ADAMTS3: variants seen among roughly 807,000 people sequenced by gnomAD.
ADAMTS3 encodes ADAM metallopeptidase with thrombospondin type 1 motif 3.
Under a neutral mutation model 129.0 loss-of-function variants are expected in ADAMTS3, and 73 were observed. The observed-to-expected ratio is 0.57, with a 90% CI of 0.47 to 0.69. The LOEUF is 0.69. Ranked by LOEUF, ADAMTS3 falls within the 30% of genes least tolerant of loss-of-function variation. ADAMTS3 has a pLI of 0.00. For missense variants in ADAMTS3, 1,457 were observed against 1,514.5 expected, an observed-to-expected ratio of 0.96 and a Z score of 0.63; for synonymous variants, 477 against 510.8, an observed-to-expected ratio of 0.93 and a Z score of 0.89.
chr4:72,359,612 T>A (rs1560485763), intron 4 of ADAMTS3, among the ~76,000 whole-genome samples: 1 of 152,014 alleles, frequency 6.6e-6, no homozygotes, highest in Non-Finnish European at 1.5e-5. Context: ...GACTCTGGAC[T>A]CCATTTGAAT....
chr4:72,559,469 T>G (rs534507151), intron 2 of ADAMTS3, among the ~76,000 whole-genome samples: 2 of 151,812 alleles, frequency 1.3e-5, no homozygotes, highest in Admixed American at 1.3e-4. Context: ...AGATAATACA[T>G]GAAAACAAAA....
intron 3 of ADAMTS3, among the ~76,000 whole-genome samples, chr4:72,521,516 G>T (rs899431274): frequency 6.6e-6 from 1 of 152,094 alleles, no homozygotes; most frequent in African/African-American, 2.4e-5. Flanking sequence ...AACATATAAA[G>T]TATTTAGCAT....
chr4:72,343,892 G>C lies in ADAMTS3; in HGVS notation c.662-4199C>G, dbSNP rs535469791. ...AATCCCCTCTTAGTTCTTAGAGTGA[G>C]TTTTCTTTTTTAAAACTTTTTAGGA... On this transcript the variant is annotated intron_variant, in intron 4 of 21. Coordinates refer to ENST00000286657, the MANE Select transcript of ADAMTS3 (RefSeq NM_014243.3). 2.6e-5 allele frequency among the ~76,000 whole-genome samples: 4 copies of C among 152,154 alleles called. No individual in the cohort carries two copies. The South Asian group carries it at 8.3e-4, about 31-fold the overall frequency.
intron 4 of ADAMTS3, among the ~76,000 whole-genome samples, chr4:72,379,373 G>C (rs930806596): frequency 1.3e-5 from 2 of 151,032 alleles, no homozygotes; most frequent in Non-Finnish European, 2.9e-5. Flanking sequence ...TCTACTTCAC[G>C]CGCTGGACTT....
chr4:72,428,482 G>A (rs890910867), intron 3 of ADAMTS3, among the ~76,000 whole-genome samples: 2 of 151,990 alleles, frequency 1.3e-5, no homozygotes, highest in Admixed American at 1.3e-4. Flanking sequence ...AGCCATAGTA[G>A]GATCAAAGAC....
chr4:72,434,175 C>A (rs942763101), intron 3 of ADAMTS3, among the ~76,000 whole-genome samples: 9 of 151,904 alleles, frequency 5.9e-5, no homozygotes, highest in Non-Finnish European at 1.2e-4. Flanking sequence ...AGCTCCCCCC[C>A]ACCAAGAGAA....
chr4:72,288,703 G>T, intron 21 of ADAMTS3, 48 bp downstream of exon 21: 2 of 1,211,648 alleles, frequency 1.7e-6, no homozygotes, highest in Non-Finnish European at 2.4e-6. Flanking sequence ...TCTGCTTTTT[G>T]AGGTTTAAAA....
intron 4 of ADAMTS3, among the ~76,000 whole-genome samples, chr4:72,378,122 C>T (rs1721181221): frequency 6.6e-6 from 1 of 152,146 alleles, no homozygotes; most frequent in African/African-American, 2.4e-5. Flanking sequence ...AAAATTTCAA[C>T]CACGTGAAAA....
intron 2 of ADAMTS3, among the ~76,000 whole-genome samples, chr4:72,556,411 A>C (rs931007127): frequency 1.3e-5 from 2 of 151,794 alleles, no homozygotes; most frequent in Non-Finnish European, 2.9e-5. Flanking sequence ...CAAAGACCAC[A>C]CTATAGAACT....
chr4:72,286,575 A>G (rs1356450993), intron 21 of ADAMTS3, among the ~76,000 whole-genome samples: 1 of 152,202 alleles, frequency 6.6e-6, no homozygotes, highest in Non-Finnish European at 1.5e-5. Context: ...GACAAAAAGC[A>G]CCATTCAGCA....
chr4:72,474,249 T>C (rs1426741893), intron 3 of ADAMTS3, among the ~76,000 whole-genome samples: 2 of 152,188 alleles, frequency 1.3e-5, no homozygotes, highest in Non-Finnish European at 2.9e-5. Context: ...AGATGACAGA[T>C]GTTAAAATCA....
chr4:72,363,885 A>G (rs1720793418), intron 4 of ADAMTS3, among the ~76,000 whole-genome samples: 1 of 152,148 alleles, frequency 6.6e-6, no homozygotes, highest in Non-Finnish European at 1.5e-5. Context: ...ATTCAGTGAA[A>G]GTTTGCCAGA....
intron 2 of ADAMTS3, among the ~76,000 whole-genome samples, chr4:72,551,665 A>G (rs1418407746): frequency 6.6e-6 from 1 of 152,180 alleles, no homozygotes; most frequent in East Asian, 1.9e-4. Flanking sequence ...TTGAGAATAT[A>G]TCATCTCTAA....
intron 4 of ADAMTS3, among the ~76,000 whole-genome samples, chr4:72,400,242 C>T (rs1429655511): frequency 4.2e-5 from 6 of 142,972 alleles, no homozygotes; most frequent in Admixed American, 4.1e-4. Context: ...TATATATGCA[C>T]ACATGGTGTG....
At chr4:72,296,622 C>T (rs924350551) in intron 18 of ADAMTS3, among the ~76,000 whole-genome samples, 7 of 151,934 alleles carry the variant, frequency 4.6e-5, no homozygotes, top group Non-Finnish European at 7.4e-5. Context: ...TTTTGCTGAA[C>T]CATTTGAAAG....
At position 72,306,028 on chromosome 4, in the gene ADAMTS3, T is replaced by C; in HGVS notation, c.2219A>G (p.His740Arg). The change falls in exon 16 of 22, where the codon CAT becomes CGT. Residue 740 changes from histidine to arginine, a missense_variant. Transcript: ENST00000286657. ...KMFDIPPGAR[H>R]VLIQEDEASP... is the part of the protein sequence containing the mutation. ...AGCCTCGTCTTCTTGGATTAACACA[T>C]GTCTAGCCCCAGGGGGTATATCAAA... 6.2e-7 allele frequency: 1 copy of C among 1,611,530 alleles called. No individual in the cohort carries two copies. Among genetic ancestry groups the C allele is most frequent in the Non-Finnish European group, 8.5e-7 (1 of 1,178,714 alleles).
intron 4 of ADAMTS3, among the ~76,000 whole-genome samples, chr4:72,377,921 ATTTC>A (rs1254600682): frequency 6.6e-6 from 1 of 152,170 alleles, no homozygotes; most frequent in Non-Finnish European, 1.5e-5. Context: ...AGCACTCTGG[ATTTC>A]TTCACATGCT....
At chr4:72,407,352 A>G (rs979416614) in intron 4 of ADAMTS3, among the ~76,000 whole-genome samples, 1 of 152,192 alleles carries the variant, frequency 6.6e-6, no homozygotes, top group Admixed American at 6.6e-5. Flanking sequence ...ATCATAGAAC[A>G]GGACATAAAG....
chr4:72,287,466 T>A (rs1302579920), intron 21 of ADAMTS3, among the ~76,000 whole-genome samples: 23 of 94,566 alleles, frequency 2.4e-4, no homozygotes, highest in Admixed American at 3.2e-4. Context: ...AAAGAGAAAA[T>A]GGGAGAGAAA....
Sources: allele counts gnomAD v4.1 joint callset (sites outside exome capture counted in the v4.1 genomes callset), GRCh38; gene constraint gnomAD v4.1.1; transcripts MANE v1.5; gene names NCBI Gene and HGNC (gene_info 2026-07-23, HGNC 2026-07-21).